The following MYO5B variants were observed in gnomAD, a reference collection of about 807,000 sequenced individuals.
MYO5B encodes the protein myosin VB.
In MYO5B, 143 loss-of-function variants were observed where a neutral mutation model predicts 229.3. The observed-to-expected ratio is 0.62, with a 90% CI of 0.54 to 0.72. The LOEUF (loss-of-function observed/expected upper bound fraction) is 0.72. Ranked by LOEUF, MYO5B falls within the 30% of genes least tolerant of loss-of-function variation. The pLI, the probability that MYO5B is intolerant of heterozygous loss-of-function variation, is 0.00. For synonymous variants in MYO5B, 918 were observed against 885.2 expected, an observed-to-expected ratio of 1.04 and a Z score of -0.66; for missense variants, 2,321 against 2,331.0, an observed-to-expected ratio of 1.00 and a Z score of 0.09.
intron 14 of MYO5B, among the ~76,000 whole-genome samples, chr18:49,940,025 G>A (rs570797091): frequency 1.3e-3 from 205 of 152,222 alleles, no homozygotes; most frequent in Non-Finnish European, 2.2e-3. Context: ...GCTCTGCACT[G>A]CCGAGACCTT....
intron 1 of MYO5B, among the ~76,000 whole-genome samples, chr18:50,090,334 C>A (rs560653629): frequency 1.8e-5 from 1 of 54,156 alleles, no homozygotes; most frequent in African/African-American, 6.3e-5. Flanking sequence ...CAGAGCAAGA[C>A]CCTCAAAAAA....
intron 7 of MYO5B, among the ~76,000 whole-genome samples, chr18:49,985,332 C>G (rs2025859450): frequency 6.6e-6 from 1 of 152,186 alleles, no homozygotes; most frequent in Admixed American, 6.5e-5. Flanking sequence ...TGCACAAATG[C>G]AGGTTGATAC....
At chr18:50,129,834 CAAGAA>C (rs1438065160) in intron 1 of MYO5B, among the ~76,000 whole-genome samples, 1 of 152,182 alleles carries the variant, frequency 6.6e-6, no homozygotes, top group Non-Finnish European at 1.5e-5. Context: ...CCTCCGCCAA[CAAGAA>C]AAGTCAGAAG....
chr18:49,974,444 C>A lies in MYO5B; in HGVS notation c.1228G>T (p.Ala410Ser), dbSNP rs778632789. 11 of 1,614,194 alleles carry A rather than the reference C, an allele frequency of 6.8e-6. No individual in the cohort carries two copies. The East Asian group carries it at 2.2e-4, about 33-fold the overall frequency. The change falls in exon 10 of 40, where the codon GCC (alanine) becomes TCC (serine). Residue 410 changes from alanine (A) to serine (S), a missense_variant. By Grantham distance (99) the Ala-to-Ser change is moderately conservative (BLOSUM62 1). Transcript: ENST00000285039. The stretch of plus-strand genomic sequence containing the variant: ...TCCACAATCCAGCCGAACAACTGGG[C>A]ATAGATGTGCTTCGCCAGGGCGTTG... Reference protein sequence around the residue: ...ARNALAKHIYAQLFGWIVEHI... With the variant: ...ARNALAKHIYSQLFGWIVEHI...
At chr18:50,054,760 G>T (rs2030498978) in intron 2 of MYO5B, among the ~76,000 whole-genome samples, 1 of 152,156 alleles carries the variant, frequency 6.6e-6, no homozygotes, top group Non-Finnish European at 1.5e-5. Flanking sequence ...TTAAGTACTT[G>T]CCACATATTA....
intron 2 of MYO5B, 32 bp downstream of exon 2, chr18:50,055,235 AC>A (rs770014226): frequency 5.6e-6 from 2 of 355,776 alleles, no homozygotes; most frequent in Non-Finnish European, 5.6e-6. Context: ...GCCCCACCTC[AC>A]CCCCGCCCCC....
intron 12 of MYO5B, among the ~76,000 whole-genome samples, chr18:49,956,536 A>G (rs890665507): frequency 6.6e-6 from 1 of 152,246 alleles, no homozygotes; most frequent in African/African-American, 2.4e-5. Flanking sequence ...ATCTCCAAAA[A>G]TCTTTCCATA....
intron 4 of MYO5B, among the ~76,000 whole-genome samples, chr18:50,003,295 A>T (rs947990471): frequency 5.9e-5 from 9 of 152,210 alleles, no homozygotes; most frequent in African/African-American, 2.2e-4. Context: ...TACACAACCA[A>T]CTACTTGAAA....
intron 23 of MYO5B, 163 bp from the exon 24 acceptor site, chr18:49,879,253 G>C: frequency 1.3e-6 from 1 of 787,148 alleles, no homozygotes; most frequent in Non-Finnish European, 2.1e-6. Flanking sequence ...GAGCAAAGGT[G>C]AGTCTCATTA....
Position 50,040,330 on chromosome 18 carries a change from T to C in MYO5B, c.139-16A>G, listed in dbSNP as rs752977137. 3.7e-6 allele frequency: 6 copies of C among 1,613,248 alleles called. No individual in the cohort carries two copies. Among genetic ancestry groups the C allele is most frequent in the Non-Finnish European group, 5.1e-6 (6 of 1,179,284 alleles). ...ATTCCAGAATCTAAAGACATGCAAG[T>C]AGCAGACACAAAAAGGTGGTTATGA... On this transcript the variant is annotated splice_polypyrimidine_tract_variant and intron_variant, in intron 2 of 39. Coordinates refer to ENST00000285039, the MANE Select transcript of MYO5B (RefSeq NM_001080467.3).
chr18:50,188,816 A>AAAAAC (rs1568138517), intron 1 of MYO5B, among the ~76,000 whole-genome samples: 2 of 141,214 alleles, frequency 1.4e-5, no homozygotes, highest in African/African-American at 2.6e-5. Flanking sequence ...AAAAAAAAAA[A>AAAAAC]ACACACACAC....
Position 50,168,835 on chromosome 18 carries a change from T to C in MYO5B, c.27+25932A>G, listed in dbSNP as rs2032889854. 1.6e-5 allele frequency among the ~76,000 whole-genome samples: 2 copies of C among 128,148 alleles called. 1 individual carries two copies. The highest frequency in any genetic ancestry group is 5.9e-5 in the African/African-American group (2 of 33,976). The allele number at this position is 128,148 out of a possible 152,430, so 84.1% of individuals were successfully genotyped here. ...CAATGAACTTTCATAAATTCACATATCTGTGTAAGCAGCATTCAGATCGGA... is the reference window on the plus strand; with the variant it reads ...CAATGAACTTTCATAAATTCACATACCTGTGTAAGCAGCATTCAGATCGGA... On this transcript the variant is annotated intron_variant, in intron 1 of 39. Coordinates refer to ENST00000285039, the MANE Select transcript of MYO5B (RefSeq NM_001080467.3).
chr18:50,088,129 G>C (rs931120902), intron 1 of MYO5B, among the ~76,000 whole-genome samples: 1 of 152,128 alleles, frequency 6.6e-6, no homozygotes, highest in African/African-American at 2.4e-5. Flanking sequence ...GACCGGTGTG[G>C]GGTGACCTGC....
At chr18:50,054,630 T>C (rs2030494216) in intron 2 of MYO5B, among the ~76,000 whole-genome samples, 2 of 152,112 alleles carry the variant, frequency 1.3e-5, no homozygotes, top group South Asian at 2.1e-4. Flanking sequence ...TTAGGAGGAA[T>C]AGAATTTCAT....
chr18:50,173,016 C>A (rs550967241), intron 1 of MYO5B, among the ~76,000 whole-genome samples: 2 of 152,322 alleles, frequency 1.3e-5, no homozygotes, highest in African/African-American at 4.8e-5. Flanking sequence ...GTAATCTCAG[C>A]ACTTTGGGAG....
intron 1 of MYO5B, among the ~76,000 whole-genome samples, chr18:50,108,710 A>G (rs948872940): frequency 3.9e-5 from 6 of 152,142 alleles, no homozygotes; most frequent in Admixed American, 2.6e-4. Context: ...CTCGGGTTCT[A>G]ATAATAAGGC....
intron 4 of MYO5B, among the ~76,000 whole-genome samples, chr18:50,011,952 T>A (rs1046827836): frequency 5.3e-5 from 8 of 151,974 alleles, no homozygotes; most frequent in African/African-American, 1.9e-4. Context: ...GGTGCCAGGC[T>A]GTGTAAAGAG....
At chr18:49,872,632 G>T (rs543765822) in intron 26 of MYO5B, among the ~76,000 whole-genome samples, 2 of 152,220 alleles carry the variant, frequency 1.3e-5, no homozygotes, top group African/African-American at 2.4e-5. Context: ...GGGTCATTTG[G>T]GTGGACACTA....
At chr18:50,111,641 G>A (rs1205958360) in intron 1 of MYO5B, among the ~76,000 whole-genome samples, 1 of 152,162 alleles carries the variant, frequency 6.6e-6, no homozygotes, top group African/African-American at 2.4e-5. Flanking sequence ...TGCTTTTATT[G>A]CTGTATGTTT....
Sources: allele counts gnomAD v4.1 joint callset (sites outside exome capture counted in the v4.1 genomes callset), GRCh38; gene constraint gnomAD v4.1.1; transcripts MANE v1.5; gene names NCBI Gene and HGNC (gene_info 2026-07-23, HGNC 2026-07-21).